SLC44A5: variants seen among roughly 807,000 people sequenced by gnomAD.
SLC44A5 encodes choline transporter-like protein 5.
A neutral mutation model predicts 101.8 loss-of-function variants in SLC44A5; 57 were observed. That is an observed-to-expected ratio of 0.56 (90% CI 0.45 to 0.70). SLC44A5 has a LOEUF of 0.70. Among genes scored for constraint, SLC44A5 ranks in the 30% least tolerant of loss-of-function variants. The pLI is 0.00. For synonymous variants in SLC44A5, 281 were observed against 290.9 expected (o/e 0.97, Z 0.35); for missense variants, 737 against 853.1 (o/e 0.86, Z 1.70).
At chr1:75,563,748 A>G (rs573508005) in intron 1 of SLC44A5, among the ~76,000 whole-genome samples, 1 of 152,288 alleles carries the variant, frequency 6.6e-6, no homozygotes, top group African/African-American at 2.4e-5. Flanking sequence ...CCTAAACCAC[A>G]TAATAAGTGC....
intron 2 of SLC44A5, among the ~76,000 whole-genome samples, chr1:75,462,152 T>C (rs776697034): frequency 2.0e-5 from 3 of 152,200 alleles, no homozygotes; most frequent in Non-Finnish European, 4.4e-5. Context: ...GGTGCTTATG[T>C]CACTCCACCC....
At chr1:75,303,970 T>TA (rs1654714065) in intron 4 of SLC44A5, among the ~76,000 whole-genome samples, 1 of 152,048 alleles carries the variant, frequency 6.6e-6, no homozygotes, top group Admixed American at 6.6e-5. Context: ...AAAAAATATA[T>TA]CTCAGTAGAA....
the SLC44A5 span, among the ~76,000 whole-genome samples, chr1:75,679,698 CA>C: frequency 6.6e-6 from 1 of 151,910 alleles, no homozygotes; most frequent in Non-Finnish European, 1.5e-5. Flanking sequence ...GAAGAAACTG[CA>C]TCAACTAACA....
chr1:75,593,285 A>G (rs111914002), intron 1 of SLC44A5, among the ~76,000 whole-genome samples: 5 of 152,286 alleles, frequency 3.3e-5, no homozygotes, highest in South Asian at 2.1e-4. Flanking sequence ...CTAAAATGAG[A>G]TATCATCTCA....
At chr1:75,566,987 T>C (rs1162383540) in intron 1 of SLC44A5, among the ~76,000 whole-genome samples, 1 of 152,204 alleles carries the variant, frequency 6.6e-6, no homozygotes, top group Non-Finnish European at 1.5e-5. Flanking sequence ...CCCACTTTTA[T>C]CTGTTACATT....
chr1:75,681,930 G>C, the SLC44A5 span, among the ~76,000 whole-genome samples: 1,151 of 152,258 alleles, frequency 7.6e-3, 41 homozygotes, highest in East Asian at 0.12. Context: ...CAAAATCAAT[G>C]TGCAAAAATC....
chr1:75,564,080 C>T (rs1039921481), intron 1 of SLC44A5, among the ~76,000 whole-genome samples: 4 of 152,162 alleles, frequency 2.6e-5, no homozygotes, highest in African/African-American at 9.7e-5. Context: ...CATCAAAACA[C>T]ATTTTCACCA....
At chr1:75,641,865 C>G in the SLC44A5 span, 3 of 1,513,926 alleles carry the variant, frequency 2.0e-6, no homozygotes, top group Non-Finnish European at 2.8e-6. Flanking sequence ...AATACCACTA[C>G]TGTGATATAT....
chr1:75,718,106 T>C, the SLC44A5 span, among the ~76,000 whole-genome samples: 1 of 152,362 alleles, frequency 6.6e-6, no homozygotes, highest in African/African-American at 2.4e-5. Context: ...ATAAACTTTA[T>C]ATAAAGTTGT....
chr1:75,654,745 T>G, the SLC44A5 span, among the ~76,000 whole-genome samples: 115,402 of 152,038 alleles, frequency 0.76, 44,122 homozygotes, highest in East Asian at 0.96. Context: ...TGGGCAAAAA[T>G]AAAGACTACA....
At chr1:75,247,921 A>G (rs2100632549) in intron 7 of SLC44A5, among the ~76,000 whole-genome samples, 1 of 152,198 alleles carries the variant, frequency 6.6e-6, no homozygotes, top group African/African-American at 2.4e-5. Flanking sequence ...AGTTTTGAAA[A>G]AAAATAAAAG....
At chr1:75,421,326 C>T (rs977107627) in intron 2 of SLC44A5, among the ~76,000 whole-genome samples, 19 of 152,024 alleles carry the variant, frequency 1.2e-4, no homozygotes, top group African/African-American at 4.1e-4. Context: ...CACCCTATTT[C>T]GCCTGAAGAC....
chr1:75,415,375 A>T (rs1663572930), intron 2 of SLC44A5, among the ~76,000 whole-genome samples: 1 of 152,146 alleles, frequency 6.6e-6, no homozygotes. Context: ...TCCATGTAGG[A>T]TGTGATTTGC....
intron 2 of SLC44A5, among the ~76,000 whole-genome samples, chr1:75,416,272 A>C (rs10874265): frequency 0.19 from 29,655 of 152,132 alleles, 4,149 homozygotes; most frequent in East Asian, 0.81. Context: ...AAAGGGGCCA[A>C]TGTAGAGTTC....
At chr1:75,558,411 C>T (rs920721371) in intron 1 of SLC44A5, among the ~76,000 whole-genome samples, 3 of 152,102 alleles carry the variant, frequency 2.0e-5, no homozygotes, top group Non-Finnish European at 4.4e-5. Flanking sequence ...ACTAGCACAG[C>T]CATCACGCTG....
At chr1:75,496,116 A>G (rs1177135365) in intron 2 of SLC44A5, among the ~76,000 whole-genome samples, 2 of 152,168 alleles carry the variant, frequency 1.3e-5, no homozygotes, top group Non-Finnish European at 2.9e-5. Flanking sequence ...TAAAATTTGT[A>G]CAGAACCACA....
rs186448830 is a variant in SLC44A5, at chr1:75,514,959, A to T, written c.13+26476T>A. On this transcript the variant is annotated intron_variant, in intron 2 of 23. Transcript: ENST00000370859. ...TCAGAAAAGGTTTTTTAATCCAAGT[A>T]ATTTTATTGAACTATATTAGGATCT... is the stretch of plus-strand genomic sequence containing the variant. Among the ~76,000 whole-genome samples, 11 of 152,342 alleles carry T rather than the reference A, an allele frequency of 7.2e-5. No homozygotes were observed. The East Asian group carries it at 2.1e-3, about 29-fold the overall frequency.
chr1:75,514,865 GA>G (rs1669744155), intron 2 of SLC44A5, among the ~76,000 whole-genome samples: 7 of 152,284 alleles, frequency 4.6e-5, no homozygotes, highest in African/African-American at 1.7e-4. Flanking sequence ...TATCTTCTCT[GA>G]GTATCTGTCT....
intron 2 of SLC44A5, among the ~76,000 whole-genome samples, chr1:75,448,964 TTC>T (rs1359515800): frequency 6.6e-6 from 1 of 152,128 alleles, no homozygotes; most frequent in African/African-American, 2.4e-5. Context: ...CACATTTGCC[TTC>T]TCTTTCTCAA....
Sources: gnomAD v4.1 joint callset for allele counts (sites outside exome capture counted in the v4.1 genomes callset) on GRCh38, gnomAD v4.1.1 for gene constraint, MANE v1.5 for transcripts, NCBI Gene and HGNC (gene_info 2026-07-23, HGNC 2026-07-21) for gene names.